MAML3: variants seen among roughly 807,000 people sequenced by gnomAD.
MAML3 encodes the protein mastermind-like protein 3.
Under a neutral mutation model 101.9 loss-of-function variants are expected in MAML3, and 27 were observed. The observed-to-expected ratio is 0.27, with a 90% CI of 0.20 to 0.37. The LOEUF is 0.37. MAML3 is among the 10% of genes least tolerant of loss of function. The pLI, the probability that MAML3 is intolerant of heterozygous loss-of-function variation, is 1.00. For missense variants in MAML3, 1,316 were observed against 1,444.9 expected (o/e 0.91, Z 1.45); for synonymous variants, 501 against 555.9 (o/e 0.90, Z 1.39).
intron 1 of MAML3, among the ~76,000 whole-genome samples, chr4:140,000,139 T>C (rs907245746): frequency 6.6e-6 from 1 of 152,238 alleles, no homozygotes; most frequent in Non-Finnish European, 1.5e-5. Flanking sequence ...AAGCATCTGA[T>C]TGAGATGTTG....
chr4:139,996,197 T>C (rs997358638), intron 1 of MAML3, among the ~76,000 whole-genome samples: 12 of 152,224 alleles, frequency 7.9e-5, no homozygotes, highest in African/African-American at 2.4e-4. Context: ...CTATTCCCTG[T>C]GCATTTGAAA....
At chr4:139,893,482 G>A (rs946416440) in intron 1 of MAML3, among the ~76,000 whole-genome samples, 2 of 152,156 alleles carry the variant, frequency 1.3e-5, no homozygotes, top group African/African-American at 2.4e-5. Flanking sequence ...CGTGGCTGAC[G>A]TGCTTACTGT....
At chr4:139,918,810 T>C (rs1733072638) in intron 1 of MAML3, among the ~76,000 whole-genome samples, 1 of 152,196 alleles carries the variant, frequency 6.6e-6, no homozygotes, top group Admixed American at 6.5e-5. Flanking sequence ...GCTCTGGAGC[T>C]GAGTGTGACC....
chr4:140,112,374 AT>A (rs1728452192), intron 1 of MAML3, among the ~76,000 whole-genome samples: 1 of 152,118 alleles, frequency 6.6e-6, no homozygotes, highest in African/African-American at 2.4e-5. Context: ...CATGCTCCAT[AT>A]TTTTAAAGGT....
chr4:140,100,542 T>A (rs984723365), intron 1 of MAML3, among the ~76,000 whole-genome samples: 3 of 152,082 alleles, frequency 2.0e-5, no homozygotes, highest in Non-Finnish European at 2.9e-5. Context: ...AACATATATA[T>A]GTGTGTGTAT....
chr4:139,807,064 T>TTA (rs1397452621), intron 2 of MAML3, among the ~76,000 whole-genome samples: 2 of 152,200 alleles, frequency 1.3e-5, no homozygotes, highest in African/African-American at 4.8e-5. Context: ...CCACAATAAT[T>TTA]TAAAGAGACA....
At chr4:139,762,882 T>C (rs973788149) in intron 2 of MAML3, among the ~76,000 whole-genome samples, 5 of 152,178 alleles carry the variant, frequency 3.3e-5, no homozygotes, top group Non-Finnish European at 2.9e-5. Flanking sequence ...CCCCCCTTTC[T>C]TTCCTGAGGA....
At chr4:139,860,303 G>GACTA (rs2043209742) in intron 2 of MAML3, among the ~76,000 whole-genome samples, 2 of 152,202 alleles carry the variant, frequency 1.3e-5, no homozygotes, top group South Asian at 2.1e-4. Flanking sequence ...AGTCCCCTGG[G>GACTA]TTCCCAGAAA....
At chr4:140,091,540 A>AC (rs1728049997) in intron 1 of MAML3, among the ~76,000 whole-genome samples, 1 of 139,462 alleles carries the variant, frequency 7.2e-6, no homozygotes, top group Admixed American at 7.1e-5. Context: ...AACAAAACAA[A>AC]AACAAAACAA....
intron 1 of MAML3, 46 bp downstream of exon 1, chr4:140,152,814 A>ACCCCCCAC: frequency 6.6e-7 from 1 of 1,524,656 alleles, no homozygotes; most frequent in South Asian, 1.3e-5. Context: ...CACCACCACC[A>ACCCCCCAC]CCACCCCCAA....
intron 1 of MAML3, among the ~76,000 whole-genome samples, chr4:140,014,393 T>C (rs547626902): frequency 2.0e-5 from 3 of 152,340 alleles, no homozygotes; most frequent in South Asian, 4.1e-4. Flanking sequence ...ATTAGTTACA[T>C]GTTTATTATT....
chr4:139,748,010 C>T (rs192386234), intron 2 of MAML3, among the ~76,000 whole-genome samples: 74 of 134,792 alleles, frequency 5.5e-4, no homozygotes, highest in Admixed American at 1.6e-3. Context: ...GCCAAGATCA[C>T]GCCACTGCAC....
At chr4:140,069,822 A>G (rs1727614292) in intron 1 of MAML3, among the ~76,000 whole-genome samples, 1 of 152,058 alleles carries the variant, frequency 6.6e-6, no homozygotes, top group Admixed American at 6.6e-5. Context: ...TCCTTAAAAA[A>G]AAAAAAATCT....
intron 2 of MAML3, among the ~76,000 whole-genome samples, chr4:139,752,370 T>C (rs1428078847): frequency 6.6e-6 from 1 of 152,220 alleles, no homozygotes; most frequent in Non-Finnish European, 1.5e-5. Context: ...ACTAGGCTCC[T>C]ATACAACCAC....
At chr4:140,120,829 C>T (rs1728595682) in intron 1 of MAML3, among the ~76,000 whole-genome samples, 1 of 152,116 alleles carries the variant, frequency 6.6e-6, no homozygotes, top group South Asian at 2.1e-4. Context: ...CAGTAACGTT[C>T]GGTTCACAAC....
intron 2 of MAML3, among the ~76,000 whole-genome samples, chr4:139,750,612 CTCTG>C (rs1438662001): frequency 6.6e-6 from 1 of 152,202 alleles, no homozygotes; most frequent in East Asian, 1.9e-4. Context: ...CCATTGTTCA[CTCTG>C]TCTGACCCCA....
At chr4:140,000,232 T>C (rs1430634493) in intron 1 of MAML3, among the ~76,000 whole-genome samples, 1 of 152,158 alleles carries the variant, frequency 6.6e-6, no homozygotes, top group African/African-American at 2.4e-5. Context: ...AGACTGTTCA[T>C]TACTTTCAAT....
chr4:140,010,753 T>A (rs1441186875), intron 1 of MAML3, among the ~76,000 whole-genome samples: 1 of 152,096 alleles, frequency 6.6e-6, no homozygotes, highest in South Asian at 2.1e-4. Context: ...GATAAAAATA[T>A]CAAGCTATTT....
chr4:139,787,791 A>G (rs887998089), intron 2 of MAML3, among the ~76,000 whole-genome samples: 27 of 152,212 alleles, frequency 1.8e-4, no homozygotes, highest in Non-Finnish European at 3.1e-4. Context: ...CCCAAAGTGC[A>G]TTACTTTACA....
Sources: allele counts gnomAD v4.1 joint callset (sites outside exome capture counted in the v4.1 genomes callset), GRCh38; gene constraint gnomAD v4.1.1; transcripts MANE v1.5; gene names NCBI Gene and HGNC (gene_info 2026-07-23, HGNC 2026-07-21).